FRMD4A: variants seen among roughly 807,000 people sequenced by gnomAD.
FRMD4A encodes the protein FERM domain containing 4A, also known as FERM domain-containing protein 4A.
In FRMD4A, 29 loss-of-function variants were observed where a neutral mutation model predicts 129.1. The observed-to-expected ratio is 0.22, with a 90% CI of 0.17 to 0.31. The LOEUF (loss-of-function observed/expected upper bound fraction) is 0.31, where lower values mean the gene tolerates loss of function less well. Ranked by LOEUF, FRMD4A falls within the 10% of genes least tolerant of loss-of-function variation. The pLI, the probability that FRMD4A is intolerant of heterozygous loss-of-function variation, is 1.00. For missense variants in FRMD4A, 1,272 were observed against 1,375.8 expected (o/e 0.92, Z 1.19); for synonymous variants, 634 against 571.6 (o/e 1.11, Z -1.56).
At chr10:14,237,335 TTTG>T (rs3034165) in intron 2 of FRMD4A, among the ~76,000 whole-genome samples, 4 of 151,904 alleles carry the variant, frequency 2.6e-5, no homozygotes, top group Admixed American at 2.6e-4. Context: ...TTTCTCTTTT[TTTG>T]TTGTTGTTTT....
intron 2 of FRMD4A, among the ~76,000 whole-genome samples, chr10:14,107,001 A>G (rs1325889399): frequency 2.0e-5 from 3 of 152,226 alleles, no homozygotes; most frequent in Admixed American, 6.5e-5. Flanking sequence ...CATATACACT[A>G]TGGAATACTA....
chr10:13,936,887 T>A (rs2095253334), intron 2 of FRMD4A, among the ~76,000 whole-genome samples: 2 of 152,358 alleles, frequency 1.3e-5, no homozygotes, highest in Non-Finnish European at 2.9e-5. Context: ...ATCACTTACA[T>A]GGCACACTCG....
At chr10:14,287,546 G>A (rs546088487) in intron 2 of FRMD4A, among the ~76,000 whole-genome samples, 13 of 152,270 alleles carry the variant, frequency 8.5e-5, no homozygotes, top group African/African-American at 2.6e-4. Context: ...CAAAGAGTAA[G>A]ATGTCAATCA....
Position 14,274,498 on chromosome 10 carries a change from G to A in FRMD4A, c.45+55560C>T, listed in dbSNP as rs144169658. Among the ~76,000 whole-genome samples, 19 of 152,258 alleles carry A rather than the reference G, an allele frequency of 1.2e-4. No homozygotes were observed. The East Asian group carries it at 3.5e-3, about 28-fold the overall frequency. On this transcript the variant is annotated intron_variant, in intron 2 of 24. Transcript: ENST00000357447. ...AAAGGAAAAGCTCATAGGAGATCTC[G>A]AAACTTGGGGACAGGAGGAAGGAGT...
intron 24 of FRMD4A, chr10:13,651,382 C>G (rs1446850864): frequency 6.5e-6 from 1 of 153,228 alleles, no homozygotes; most frequent in East Asian, 1.9e-4. Flanking sequence ...ACACTGATTA[C>G]TCACAGTAAA....
At chr10:13,935,683 T>C (rs1223316321) in intron 2 of FRMD4A, among the ~76,000 whole-genome samples, 1 of 152,138 alleles carries the variant, frequency 6.6e-6, no homozygotes, top group Non-Finnish European at 1.5e-5. Context: ...GAGCCCTTTT[T>C]TCAGCACCTG....
intron 2 of FRMD4A, among the ~76,000 whole-genome samples, chr10:14,279,654 T>C (rs889895130): frequency 1.3e-5 from 2 of 152,218 alleles, no homozygotes; most frequent in African/African-American, 4.8e-5. Flanking sequence ...AACCAGGAGT[T>C]TGAAGTGTTC....
Position 14,249,350 on chromosome 10 carries a change from T to TCAAAAAAAAAAA in FRMD4A, c.45+80707_45+80708insTTTTTTTTTTTG, listed in dbSNP as rs1564416620. On this transcript the variant is annotated intron_variant, in intron 2 of 24. Transcript: ENST00000357447. ...CTGAGCGACAGAGCAAGAATCTGTC[T>TCAAAAAAAAAAA]TAAAAAAAAAAAAAGAAAGAAACAA... 5.3e-4 allele frequency among the ~76,000 whole-genome samples: 64 copies of TCAAAAAAAAAAA among 121,434 alleles called. 1 individual carries two copies. Among genetic ancestry groups the TCAAAAAAAAAAA allele is most frequent in the African/African-American group, 1.7e-3 (60 of 36,208 alleles). 79.7% of individuals were successfully genotyped at this position (121,434 alleles called of 152,430 possible).
Position 13,714,402 on chromosome 10 carries a change from G to GT in FRMD4A, c.760-7290dup, listed in dbSNP as rs1263612514. Among the ~76,000 whole-genome samples, 451 of 145,516 alleles carry GT rather than the reference G, an allele frequency of 3.1e-3. 2 individuals are homozygous for GT. The highest frequency in any genetic ancestry group is 9.3e-3 in the African/African-American group (372 of 39,820). On this transcript the variant is annotated intron_variant, in intron 12 of 24. Coordinates refer to ENST00000357447, the MANE Select transcript of FRMD4A (RefSeq NM_018027.5). ...AGTGGGTTGAAATCATATGTCAGAGGTTTTTTTTTTTCTATCAGTTTTTTA... is the reference window on the plus strand; with the variant it reads ...AGTGGGTTGAAATCATATGTCAGAGGTTTTTTTTTTTTCTATCAGTTTTTTA...
At chr10:14,129,407 T>TAA (rs56914092) in intron 2 of FRMD4A, among the ~76,000 whole-genome samples, 53 of 112,382 alleles carry the variant, frequency 4.7e-4, no homozygotes, top group African/African-American at 5.8e-4. Flanking sequence ...TATATATATA[T>TAA]AAAAAATATG....
Position 13,845,462 on chromosome 10 carries a change from G to A in FRMD4A, c.111+13385C>T, listed in dbSNP as rs78246980. ...AAGCCTTGCATGAAATCGTATAGAA[G>A]ACCAGATTATTAGGGATAATAGCAC... On this transcript the variant is annotated intron_variant, in intron 3 of 24. Coordinates refer to ENST00000357447, the MANE Select transcript of FRMD4A (RefSeq NM_018027.5). Among the ~76,000 whole-genome samples the A allele has an allele frequency of 5.2e-3, 797 of 152,282 alleles. 18 individuals are homozygous for A. Among genetic ancestry groups the A allele is most frequent in the Admixed American group, 0.036 (544 of 15,290 alleles).
chr10:13,670,387 A>G lies in FRMD4A; in HGVS notation c.1374+19T>C. The G allele has an allele frequency of 4.3e-6, 7 of 1,610,432 alleles. No homozygotes were observed. The highest frequency in any genetic ancestry group is 5.9e-6 in the Non-Finnish European group (7 of 1,177,734). On this transcript the variant is annotated intron_variant, in intron 17 of 24. Coordinates refer to ENST00000357447, the MANE Select transcript of FRMD4A (RefSeq NM_018027.5). Reference sequence around the variant, plus strand: ...AAGGATAACATGAGAGAATCCAACAACAGAAAGGAAGGACGCACCTCTCCT... The same window carrying G: ...AAGGATAACATGAGAGAATCCAACAGCAGAAAGGAAGGACGCACCTCTCCT...
chr10:14,017,485 C>T (rs1283129888), intron 2 of FRMD4A, among the ~76,000 whole-genome samples: 1 of 152,180 alleles, frequency 6.6e-6, no homozygotes, highest in Admixed American at 6.5e-5. Context: ...TAGCTGTTGA[C>T]TCAATTTTTA....
Position 14,318,329 on chromosome 10 carries a change from C to CCT in FRMD4A, c.45+11728_45+11729insAG, listed in dbSNP as rs1554808965. 2.0e-3 allele frequency among the ~76,000 whole-genome samples: 292 copies of CCT among 145,810 alleles called. 4 individuals are homozygous for CCT. Among genetic ancestry groups the CCT allele is most frequent in the African/African-American group, 6.4e-3 (257 of 40,132 alleles). On this transcript the variant is annotated intron_variant, in intron 2 of 24. Transcript: ENST00000357447. Reference sequence around the variant, plus strand: ...GATACCAAGCTATATCCCCCCCCACCTTTTTTTTTTTACCTTGACACATGG... The same window carrying CCT: ...GATACCAAGCTATATCCCCCCCCACCCTTTTTTTTTTTTACCTTGACACATGG...
chr10:14,026,112 G>A (rs558422995), intron 2 of FRMD4A, among the ~76,000 whole-genome samples: 1 of 152,134 alleles, frequency 6.6e-6, no homozygotes. Flanking sequence ...CCACTTAACA[G>A]CCAACATTGA....
chr10:13,806,652 C>T (rs1172841120), intron 4 of FRMD4A, among the ~76,000 whole-genome samples: 1 of 152,166 alleles, frequency 6.6e-6, no homozygotes, highest in Non-Finnish European at 1.5e-5. Flanking sequence ...TCAAATTTGC[C>T]TGCAAGCTAG....
At chr10:13,844,938 T>A (rs959064179) in intron 3 of FRMD4A, among the ~76,000 whole-genome samples, 1 of 152,208 alleles carries the variant, frequency 6.6e-6, no homozygotes, top group Non-Finnish European at 1.5e-5. Context: ...GTATGAGTAA[T>A]GGGCTGGAAA....
chr10:14,305,761 T>C (rs569028455), intron 2 of FRMD4A, among the ~76,000 whole-genome samples: 27 of 151,946 alleles, frequency 1.8e-4, no homozygotes, highest in African/African-American at 6.3e-4. Flanking sequence ...ATAAAGAAAA[T>C]GTGATACATA....
rs146106883 is a variant in FRMD4A at position 14,247,823 on chromosome 10, G to A, written c.45+82235C>T. On this transcript the variant is annotated intron_variant, in intron 2 of 24. Transcript: ENST00000357447. ...GCTTAAATTGAGTGTGAGGGAACAG[G>A]ATTATCTTGGTTGTAATTTTTAAAA... Among the ~76,000 whole-genome samples, 1,008 of 151,206 alleles carry A rather than the reference G, an allele frequency of 6.7e-3. 9 individuals are homozygous for A. Among genetic ancestry groups the A allele is most frequent in the Middle Eastern group, 0.014 (4 of 294 alleles).
Sources: gnomAD v4.1 joint callset for allele counts (sites outside exome capture counted in the v4.1 genomes callset) on GRCh38, gnomAD v4.1.1 for gene constraint, MANE v1.5 for transcripts, NCBI Gene and HGNC (gene_info 2026-07-23, HGNC 2026-07-21) for gene names.